TRIM24: variants seen among roughly 807,000 people sequenced by gnomAD.
TRIM24 encodes the protein tripartite motif containing 24, also known as transcription intermediary factor 1-alpha.
In TRIM24, 29 loss-of-function variants were observed where a neutral mutation model predicts 123.9. The ratio of observed to expected loss-of-function variants is 0.23; its 90% CI spans 0.17 to 0.32. TRIM24 has a LOEUF of 0.32. Ranked by LOEUF, TRIM24 falls within the 10% of genes least tolerant of loss-of-function variation. The probability of loss-of-function intolerance (pLI) is 1.00; values close to 1 mark genes in which losing one functional copy is unlikely to be tolerated. For synonymous variants in TRIM24, 456 were observed against 461.1 expected (o/e 0.99, Z 0.14); for missense variants, 932 against 1,295.3 (o/e 0.72, Z 4.31).
rs545760570 is a variant in TRIM24 at position 138,572,617 on chromosome 7, C to T, written c.1879-890C>T. 4.6e-5 allele frequency among the ~76,000 whole-genome samples: 7 copies of T among 152,274 alleles called. No individual in the cohort carries two copies. The South Asian group carries it at 1.2e-3, about 27-fold the overall frequency. ...AAGGTGCTTCATAACTAGTACCATT[C>T]TAGGTGCATAAGCAAGAAATTGATT... On this transcript the variant is annotated intron_variant, in intron 11 of 18. Coordinates refer to ENST00000343526, the MANE Select transcript of TRIM24 (RefSeq NM_015905.3).
intron 7 of TRIM24, among the ~76,000 whole-genome samples, chr7:138,545,818 C>T (rs982210231): frequency 1.3e-5 from 2 of 152,064 alleles, no homozygotes; most frequent in Non-Finnish European, 2.9e-5. Context: ...TGTAAAAGGG[C>T]TCCCACTGGG....
chr7:138,548,401 G>C (rs1797143235), intron 7 of TRIM24, among the ~76,000 whole-genome samples: 1 of 151,586 alleles, frequency 6.6e-6, no homozygotes, highest in African/African-American at 2.4e-5. Context: ...TCCAGCCTGG[G>C]TGACAGAGTG....
intron 1 of TRIM24, among the ~76,000 whole-genome samples, chr7:138,463,179 C>G (rs1009491806): frequency 6.6e-6 from 1 of 151,066 alleles, no homozygotes; most frequent in African/African-American, 2.4e-5. Context: ...TGTGAGCCAC[C>G]GCACCTGGCC....
chr7:138,512,087 C>T (rs547551776), intron 2 of TRIM24, among the ~76,000 whole-genome samples: 4 of 152,312 alleles, frequency 2.6e-5, no homozygotes, highest in East Asian at 3.9e-4. Flanking sequence ...AATCTTAAAG[C>T]TCCAAAATAA....
At chr7:138,466,462 G>GTTTTT (rs1563020272) in intron 1 of TRIM24, among the ~76,000 whole-genome samples, 1 of 32,670 alleles carries the variant, frequency 3.1e-5, no homozygotes, top group Admixed American at 3.3e-4. Flanking sequence ...AACTTAAGTT[G>GTTTTT]CTTTTTTTTT....
chr7:138,523,848 T>A (rs1796556476), intron 4 of TRIM24, among the ~76,000 whole-genome samples: 1 of 149,956 alleles, frequency 6.7e-6, no homozygotes, highest in African/African-American at 2.5e-5. Context: ...GAAGCCAGCA[T>A]AACCTTTACA....
intron 9 of TRIM24, among the ~76,000 whole-genome samples, chr7:138,561,957 G>A (rs995048178): frequency 8.5e-5 from 13 of 152,222 alleles, no homozygotes; most frequent in Admixed American, 2.6e-4. Context: ...CTTATTTGTC[G>A]CTGGGTGTTT....
chr7:138,540,865 G>A (rs1486691504), intron 7 of TRIM24, among the ~76,000 whole-genome samples: 2 of 152,226 alleles, frequency 1.3e-5, no homozygotes, highest in East Asian at 1.9e-4. Context: ...TTGAGATGGA[G>A]TCTCACTCTG....
chr7:138,480,615 G>A (rs775684664), intron 1 of TRIM24, among the ~76,000 whole-genome samples: 2 of 152,120 alleles, frequency 1.3e-5, no homozygotes, highest in South Asian at 2.1e-4. Flanking sequence ...AGGTTTTGGT[G>A]TGTGGGTGTT....
intron 1 of TRIM24, among the ~76,000 whole-genome samples, chr7:138,488,057 CT>C (rs2116492084): frequency 6.6e-6 from 1 of 152,064 alleles, no homozygotes; most frequent in African/African-American, 2.4e-5. Flanking sequence ...CAACTTCTTC[CT>C]GGTTTAGTCT....
chr7:138,472,579 A>G (rs1156385838), intron 1 of TRIM24, among the ~76,000 whole-genome samples: 1 of 152,174 alleles, frequency 6.6e-6, no homozygotes, highest in Non-Finnish European at 1.5e-5. Context: ...GAAGTTGACC[A>G]ATAAAATGTA....
chr7:138,582,276 C>G (rs189247216), intron 17 of TRIM24, among the ~76,000 whole-genome samples: 1 of 152,168 alleles, frequency 6.6e-6, no homozygotes, highest in Non-Finnish European at 1.5e-5. Flanking sequence ...GGCGCGGTGG[C>G]TCACGCCTAT....
chr7:138,502,453 T>C (rs1026941538), intron 1 of TRIM24, among the ~76,000 whole-genome samples: 4 of 152,194 alleles, frequency 2.6e-5, no homozygotes, highest in Non-Finnish European at 5.9e-5. Context: ...AAAGATTGAT[T>C]AGGAGTTACA....
intron 4 of TRIM24, among the ~76,000 whole-genome samples, chr7:138,522,162 A>G (rs1027606829): frequency 6.6e-6 from 1 of 152,040 alleles, no homozygotes; most frequent in African/African-American, 2.4e-5. Flanking sequence ...AAGCAGACTA[A>G]AAAATCAGTA....
intron 2 of TRIM24, among the ~76,000 whole-genome samples, chr7:138,512,316 A>T (rs945348455): frequency 2.0e-5 from 3 of 152,178 alleles, no homozygotes; most frequent in Non-Finnish European, 4.4e-5. Flanking sequence ...TCTGGAGGAC[A>T]GTGGCTTTCT....
At chr7:138,569,366 T>C (rs1466176503) in intron 10 of TRIM24, among the ~76,000 whole-genome samples, 2 of 151,868 alleles carry the variant, frequency 1.3e-5, no homozygotes, top group Non-Finnish European at 2.9e-5. Flanking sequence ...TACTGGGAAA[T>C]TGCTTTTAAG....
At chr7:138,489,840 C>G (rs1456428610) in intron 1 of TRIM24, among the ~76,000 whole-genome samples, 1 of 152,120 alleles carries the variant, frequency 6.6e-6, no homozygotes, top group African/African-American at 2.4e-5. Flanking sequence ...TGGAGTTGCT[C>G]TTCTCGAGGA....
In TRIM24 at chr7:138,554,923, C is replaced by T; in HGVS notation, c.1487C>T (p.Pro496Leu). ...RRPAPVGLPN[P>L]RMQGPIQQPS... is the part of the protein sequence containing the mutation. The stretch of plus-strand genomic sequence containing the variant: ...CCAGCACCTGTGGGTTTACCAAACC[C>T]TAGAATGCAGGGGCCCATCCAGCAA... Residue 496 changes from proline (P) to leucine (L), a missense_variant, in exon 9 of 19, where the codon CCT becomes CTT. Physicochemically the swap from Pro to Leu is moderately conservative, Grantham distance 98. This residue lies in a region of TRIM24 where 527 missense variants were observed against 691.3 expected (regional missense o/e 0.76). Transcript: ENST00000343526. The surrounding 1 kb of genome is among the most constrained non-coding windows in gnomAD (Gnocchi z 4.5). 1 of 1,614,154 alleles carries T rather than the reference C, an allele frequency of 6.2e-7. No homozygotes were observed. The highest frequency in any genetic ancestry group is 8.5e-7 in the Non-Finnish European group (1 of 1,180,000).
At chr7:138,462,821 G>A (rs1226548946) in intron 1 of TRIM24, among the ~76,000 whole-genome samples, 1 of 151,952 alleles carries the variant, frequency 6.6e-6, no homozygotes, top group Non-Finnish European at 1.5e-5. Flanking sequence ...GCCCACGACT[G>A]GAAAGTTCGA....
Sources: gnomAD v4.1 joint callset for allele counts (sites outside exome capture counted in the v4.1 genomes callset) on GRCh38, gnomAD v4.1.1 for gene constraint, gnomAD v4.1.1 regional missense constraint, Gnocchi (gnomAD v3.1) non-coding constraint, MANE v1.5 for transcripts, NCBI Gene and HGNC (gene_info 2026-07-23, HGNC 2026-07-21) for gene names.